Variants in RBFOX1 observed in about 807,000 individuals in gnomAD.
RBFOX1 encodes the protein RNA binding fox-1 homolog 1.
In RBFOX1, 8 loss-of-function variants were observed where a neutral mutation model predicts 57.7. The ratio of observed to expected loss-of-function variants is 0.14; its 90% CI spans 0.08 to 0.25. The LOEUF (loss-of-function observed/expected upper bound fraction) is 0.25, where lower values mean the gene tolerates loss of function less well. Ranked by LOEUF, RBFOX1 falls within the 10% of genes least tolerant of loss-of-function variation. The pLI is 1.00. For missense variants in RBFOX1, 611 were observed against 548.5 expected, an observed-to-expected ratio of 1.11 and a Z score of -1.14; for synonymous variants, 326 against 222.4, an observed-to-expected ratio of 1.47 and a Z score of -4.15.
chr16:7,074,263 T>C (rs1598759856), intron 4 of RBFOX1, among the ~76,000 whole-genome samples: 2 of 152,218 alleles, frequency 1.3e-5, no homozygotes, highest in East Asian at 3.9e-4. Context: ...AAGATGGACA[T>C]GATGAGTTCG....
chr16:6,484,507 G>C (rs1427429203), intron 2 of RBFOX1, among the ~76,000 whole-genome samples: 1 of 152,120 alleles, frequency 6.6e-6, no homozygotes, highest in Admixed American at 6.5e-5. Flanking sequence ...TGGGAGAAAT[G>C]TGCCTTGCCT....
At chr16:5,992,088 C>A (rs1248972023) in intron 4 of RBFOX1, among the ~76,000 whole-genome samples, 2 of 151,960 alleles carry the variant, frequency 1.3e-5, no homozygotes, top group African/African-American at 4.8e-5. Context: ...CTGTAAAAAT[C>A]CTTCACCAAA....
intron 3 of RBFOX1, among the ~76,000 whole-genome samples, chr16:6,944,041 A>T (rs2079027875): frequency 6.6e-6 from 1 of 152,160 alleles, no homozygotes; most frequent in Non-Finnish European, 1.5e-5. Context: ...TTATTTTAAC[A>T]GGGACAACCA....
chr16:6,670,579 T>G (rs2098757879), intron 3 of RBFOX1, among the ~76,000 whole-genome samples: 1 of 152,218 alleles, frequency 6.6e-6, no homozygotes, highest in Admixed American at 6.5e-5. Flanking sequence ...TACCTTTCCT[T>G]GATAGTGGTA....
chr16:6,781,286 A>G (rs1031420192), intron 3 of RBFOX1, among the ~76,000 whole-genome samples: 1 of 152,088 alleles, frequency 6.6e-6, no homozygotes, highest in Non-Finnish European at 1.5e-5. Flanking sequence ...TTCCCATTTG[A>G]TCATGATGAA....
At chr16:6,239,688 G>A (rs188575291) in intron 1 of RBFOX1, among the ~76,000 whole-genome samples, 3 of 151,722 alleles carry the variant, frequency 2.0e-5, no homozygotes, top group Admixed American at 6.6e-5. Flanking sequence ...AGTAGAGACG[G>A]GGGTTTCACC....
At chr16:7,431,489 C>A (rs940936899) in intron 4 of RBFOX1, among the ~76,000 whole-genome samples, 9 of 152,204 alleles carry the variant, frequency 5.9e-5, no homozygotes, top group African/African-American at 2.2e-4. Context: ...GATCCTTCCA[C>A]TTTGGCCTCC....
intron 4 of RBFOX1, among the ~76,000 whole-genome samples, chr16:5,990,840 GGT>G (rs1410937629): frequency 2.0e-5 from 3 of 152,136 alleles, no homozygotes. Flanking sequence ...TGGGTGTGGT[GGT>G]GCACGCCTGT....
Position 7,683,009 on chromosome 16 carries a change from T to TATATATACACACACACACACATATATAC in RBFOX1, c.995+6171_995+6172insATATATACACACACACACACATATATAC, listed in dbSNP as rs1568438790. 9.7e-5 allele frequency among the ~76,000 whole-genome samples: 7 copies of TATATATACACACACACACACATATATAC among 72,186 alleles called. 1 individual carries two copies. The highest frequency in any genetic ancestry group is 1.5e-4 in the Non-Finnish European group (5 of 33,966). The allele number at this position is 72,186 out of a possible 152,430, so 47.4% of individuals were successfully genotyped here. On this transcript the variant is annotated intron_variant, in intron 14 of 15. Coordinates refer to ENST00000550418, the MANE Select transcript of RBFOX1 (RefSeq NM_018723.4). ...CTTAATACTTCTATGTGTGTGTGTG[T>TATATATACACACACACACACATATATAC]GTATATATATATATATATATATATA...
At chr16:7,133,413 T>C (rs952091704) in intron 4 of RBFOX1, among the ~76,000 whole-genome samples, 4 of 152,206 alleles carry the variant, frequency 2.6e-5, no homozygotes, top group Non-Finnish European at 4.4e-5. Context: ...GGTCATGTTT[T>C]TCCAAAGAGA....
intron 2 of RBFOX1, among the ~76,000 whole-genome samples, chr16:6,445,866 C>T (rs1352456947): frequency 6.6e-6 from 1 of 152,194 alleles, no homozygotes; most frequent in East Asian, 1.9e-4. Context: ...CTGGCGTGAG[C>T]CACTGCGCCC....
chr16:6,143,058 C>A (rs1243108738), intron 1 of RBFOX1, among the ~76,000 whole-genome samples: 2 of 152,184 alleles, frequency 1.3e-5, no homozygotes, highest in East Asian at 1.9e-4. Context: ...TGCATGAGTT[C>A]ATGAAATAAA....
intron 1 of RBFOX1, among the ~76,000 whole-genome samples, chr16:5,391,374 G>A (rs546485003): frequency 2.4e-4 from 37 of 152,152 alleles, no homozygotes; most frequent in African/African-American, 7.7e-4. Flanking sequence ...TCTTTGAGAG[G>A]CTGCCTGCAT....
intron 1 of RBFOX1, among the ~76,000 whole-genome samples, chr16:6,240,396 A>G (rs752563824): frequency 6.6e-6 from 1 of 152,072 alleles, no homozygotes; most frequent in Non-Finnish European, 1.5e-5. Flanking sequence ...GATGGTGTGT[A>G]GTGTGGGTGG....
chr16:5,814,704 G>A (rs970056104), intron 3 of RBFOX1, among the ~76,000 whole-genome samples: 2 of 152,168 alleles, frequency 1.3e-5, no homozygotes, highest in Non-Finnish European at 2.9e-5. Flanking sequence ...CGAGGCGGGT[G>A]GATCATGAGG....
chr16:5,703,942 A>G (rs2051144578), intron 3 of RBFOX1, among the ~76,000 whole-genome samples: 1 of 152,214 alleles, frequency 6.6e-6, no homozygotes, highest in Non-Finnish European at 1.5e-5. Context: ...TATGTGAACT[A>G]TTGCCATGAT....
chr16:5,783,810 C>G (rs528824139), intron 3 of RBFOX1, among the ~76,000 whole-genome samples: 1 of 152,266 alleles, frequency 6.6e-6, no homozygotes, highest in Non-Finnish European at 1.5e-5. Context: ...GGGCAGGCTC[C>G]CTAGTGCATA....
At chr16:5,342,780 G>C (rs1388727552) in intron 1 of RBFOX1, among the ~76,000 whole-genome samples, 3 of 152,122 alleles carry the variant, frequency 2.0e-5, no homozygotes, top group African/African-American at 7.2e-5. Flanking sequence ...GATTGGTATT[G>C]CAACATGTCA....
At chr16:6,533,857 A>G (rs2096697258) in intron 2 of RBFOX1, among the ~76,000 whole-genome samples, 1 of 152,190 alleles carries the variant, frequency 6.6e-6, no homozygotes, top group South Asian at 2.1e-4. Context: ...CGTACTAAAC[A>G]TAAAAGAGAA....
Sources: gnomAD v4.1 joint callset for allele counts (sites outside exome capture counted in the v4.1 genomes callset) on GRCh38, gnomAD v4.1.1 for gene constraint, MANE v1.5 for transcripts, NCBI Gene and HGNC (gene_info 2026-07-23, HGNC 2026-07-21) for gene names.